The following PAK5 variants were observed in gnomAD, a reference collection of about 807,000 sequenced individuals.
PAK5 encodes p21 (RAC1) activated kinase 5.
PAK5 carries 16 observed loss-of-function variants against 65.9 expected under a neutral mutation model. The ratio of observed to expected loss-of-function variants is 0.24; its 90% CI spans 0.16 to 0.37. The LOEUF is 0.37. Ranked by LOEUF, PAK5 falls within the 10% of genes least tolerant of loss-of-function variation. The pLI is 1.00. For synonymous variants in PAK5, 371 were observed against 354.9 expected, an observed-to-expected ratio of 1.05 and a Z score of -0.51; for missense variants, 785 against 903.9, an observed-to-expected ratio of 0.87 and a Z score of 1.69.
chr20:9,673,953 G>A (rs1299342419), intron 2 of PAK5, among the ~76,000 whole-genome samples: 1 of 152,102 alleles, frequency 6.6e-6, no homozygotes, highest in Non-Finnish European at 1.5e-5. Context: ...AGTTAAACTG[G>A]GCTAATTGGA....
intron 3 of PAK5, among the ~76,000 whole-genome samples, chr20:9,634,081 G>A (rs761232196): frequency 2.0e-5 from 3 of 152,142 alleles, no homozygotes; most frequent in Non-Finnish European, 4.4e-5. Flanking sequence ...TTGATGGGGA[G>A]TAACTGAGAG....
intron 1 of PAK5, among the ~76,000 whole-genome samples, chr20:9,724,801 G>A (rs2048257328): frequency 6.6e-6 from 1 of 152,020 alleles, no homozygotes; most frequent in African/African-American, 2.4e-5. Context: ...CAAAGATTCA[G>A]GATGAAAGAA....
intron 1 of PAK5, among the ~76,000 whole-genome samples, chr20:9,776,007 G>A (rs17502794): frequency 0.07 from 10,720 of 152,256 alleles, 561 homozygotes; most frequent in Non-Finnish European, 0.099. Context: ...ATGTAGTAAA[G>A]AAATAGTGAT....
chr20:9,810,622 T>A (rs560204906), intron 1 of PAK5, among the ~76,000 whole-genome samples: 2 of 152,304 alleles, frequency 1.3e-5, no homozygotes, highest in East Asian at 3.9e-4. Flanking sequence ...CAGTTTATAT[T>A]TCTTAAGTGT....
chr20:9,584,206 A>T (rs2046029426), intron 3 of PAK5, among the ~76,000 whole-genome samples: 1 of 152,252 alleles, frequency 6.6e-6, no homozygotes, highest in African/African-American at 2.4e-5. Flanking sequence ...GCCTTGGCAG[A>T]GGAAAGATGA....
At chr20:9,612,012 TCTC>T (rs1045980775) in intron 3 of PAK5, among the ~76,000 whole-genome samples, 3 of 152,180 alleles carry the variant, frequency 2.0e-5, no homozygotes, top group Non-Finnish European at 2.9e-5. Context: ...AAAACTCTGT[TCTC>T]CTCTTTGCAG....
At chr20:9,660,863 A>G (rs760760594) in intron 2 of PAK5, among the ~76,000 whole-genome samples, 4 of 152,090 alleles carry the variant, frequency 2.6e-5, no homozygotes, top group Non-Finnish European at 5.9e-5. Flanking sequence ...ACAGAGATGG[A>G]ACAGGAAGTC....
At chr20:9,683,865 G>A (rs1270086444) in intron 2 of PAK5, among the ~76,000 whole-genome samples, 1 of 152,174 alleles carries the variant, frequency 6.6e-6, no homozygotes, top group East Asian at 1.9e-4. Context: ...ATATGGTCAT[G>A]TGACTGAGTG....
At chr20:9,799,939 CAAAAAAAAAA>C (rs71331383) in intron 1 of PAK5, among the ~76,000 whole-genome samples, 12 of 43,668 alleles carry the variant, frequency 2.7e-4, no homozygotes, top group African/African-American at 3.6e-4. Context: ...ACTCTGTCTC[CAAAAAAAAAA>C]AAAAAAAAAA....
chr20:9,685,288 C>T (rs1367653954), intron 2 of PAK5, among the ~76,000 whole-genome samples: 1 of 151,992 alleles, frequency 6.6e-6, no homozygotes, highest in Non-Finnish European at 1.5e-5. Context: ...ATTTTGAAGT[C>T]CTAACTTCCA....
At chr20:9,567,426 C>T (rs768864947) in intron 4 of PAK5, among the ~76,000 whole-genome samples, 5 of 152,152 alleles carry the variant, frequency 3.3e-5, no homozygotes, top group Non-Finnish European at 5.9e-5. Context: ...ACAAGCTACA[C>T]GTGCCTATTT....
At chr20:9,813,734 C>T (rs921667503) in intron 1 of PAK5, among the ~76,000 whole-genome samples, 5 of 152,096 alleles carry the variant, frequency 3.3e-5, no homozygotes, top group African/African-American at 4.8e-5. Context: ...AAGCCAGGCA[C>T]AAATGAGGAC....
chr20:9,604,413 G>A (rs181092537), intron 3 of PAK5, among the ~76,000 whole-genome samples: 2 of 152,234 alleles, frequency 1.3e-5, no homozygotes. Flanking sequence ...TCTGGCTCTG[G>A]GTCTCTTCTC....
At chr20:9,825,933 A>T (rs984067725) in intron 1 of PAK5, among the ~76,000 whole-genome samples, 1 of 152,188 alleles carries the variant, frequency 6.6e-6, no homozygotes, top group Non-Finnish European at 1.5e-5. Flanking sequence ...TATTCACTCA[A>T]ATTCAAAGGT....
At chr20:9,753,691 A>G (rs2048601705) in intron 1 of PAK5, among the ~76,000 whole-genome samples, 1 of 152,200 alleles carries the variant, frequency 6.6e-6, no homozygotes, top group African/African-American at 2.4e-5. Flanking sequence ...AAGCTAACAA[A>G]GAGCAAAATA....
chr20:9,588,886 A>G (rs1271653611), intron 3 of PAK5, among the ~76,000 whole-genome samples: 1 of 152,174 alleles, frequency 6.6e-6, no homozygotes, highest in Admixed American at 6.6e-5. Flanking sequence ...GCTCCCAGTG[A>G]CAGTGGCCAT....
chr20:9,818,809 T>G (rs2049386879), intron 1 of PAK5: 1 of 152,118 alleles, frequency 6.6e-6, no homozygotes, highest in Non-Finnish European at 1.5e-5. Context: ...AAATGATAGC[T>G]GTATCACTGT....
At position 9,796,184 on chromosome 20, in the gene PAK5, C is replaced by T. The variant is rs183314231; in HGVS notation, c.-162+42578G>A. On this transcript the variant is annotated intron_variant, in intron 1 of 9. Coordinates refer to ENST00000353224, the MANE Select transcript of PAK5 (RefSeq NM_177990.4). ...GACAGTTAATGAACTCTTAGATCTA[C>T]TAGAAGAGACAGATAAGCAAAAAAG... 3.1e-3 allele frequency among the ~76,000 whole-genome samples: 476 copies of T among 152,022 alleles called. 2 individuals are homozygous for T. The highest frequency in any genetic ancestry group is 0.01 in the Middle Eastern group (3 of 294).
At chr20:9,671,433 A>C (rs1600224052) in intron 2 of PAK5, among the ~76,000 whole-genome samples, 1 of 152,018 alleles carries the variant, frequency 6.6e-6, no homozygotes, top group South Asian at 2.1e-4. Flanking sequence ...ATTTGTTTGT[A>C]TCCTCTTTTA....
Sources: gnomAD v4.1 joint callset for allele counts (sites outside exome capture counted in the v4.1 genomes callset) on GRCh38, gnomAD v4.1.1 for gene constraint, MANE v1.5 for transcripts, NCBI Gene and HGNC (gene_info 2026-07-23, HGNC 2026-07-21) for gene names.